The following CALCR variants were observed in gnomAD, a reference collection of about 807,000 sequenced individuals.
CALCR encodes the protein calcitonin receptor.
Under a neutral mutation model 59.5 loss-of-function variants are expected in CALCR, and 47 were observed. The observed-to-expected ratio is 0.79, with a 90% CI of 0.63 to 1.01. The LOEUF (loss-of-function observed/expected upper bound fraction) is 1.01, where lower values mean the gene tolerates loss of function less well. Ranked by LOEUF, CALCR falls within the 50% of genes least tolerant of loss-of-function variation. The pLI is 0.00. For missense variants in CALCR, 566 were observed against 597.1 expected, an observed-to-expected ratio of 0.95 and a Z score of 0.54; for synonymous variants, 213 against 211.3, an observed-to-expected ratio of 1.01 and a Z score of -0.07.
intron 9 of CALCR, among the ~76,000 whole-genome samples, chr7:93,440,665 C>G (rs1436856127): frequency 1.3e-5 from 2 of 151,960 alleles, no homozygotes; most frequent in African/African-American, 4.8e-5. Context: ...AAGTGCAAAT[C>G]CCTCTAGTTC....
chr7:93,442,916 T>C (rs1799938763), intron 9 of CALCR, among the ~76,000 whole-genome samples: 1 of 152,134 alleles, frequency 6.6e-6, no homozygotes, highest in Non-Finnish European at 1.5e-5. Context: ...TCAGTTCCCT[T>C]CCACCAGGGG....
At chr7:93,462,052 G>A in intron 7 of CALCR, 1 of 1,443,684 alleles carries the variant, frequency 6.9e-7, no homozygotes, top group Non-Finnish European at 9.3e-7. Context: ...AAATAGCCTG[G>A]GTTTACTTAC....
chr7:93,492,767 A>G (rs2115963629), intron 2 of CALCR, among the ~76,000 whole-genome samples: 1 of 151,494 alleles, frequency 6.6e-6, no homozygotes, highest in African/African-American at 2.4e-5. Context: ...ATAGGGCCTT[A>G]TAAGATGGTT....
intron 2 of CALCR, among the ~76,000 whole-genome samples, chr7:93,553,834 C>G (rs1789526566): frequency 6.6e-6 from 1 of 152,032 alleles, no homozygotes. Context: ...CTGTGTGATC[C>G]AAAAGCAAGC....
intron 2 of CALCR, among the ~76,000 whole-genome samples, chr7:93,561,880 T>G (rs1416700519): frequency 6.6e-6 from 1 of 151,962 alleles, no homozygotes; most frequent in Non-Finnish European, 1.5e-5. Flanking sequence ...TCAGTAGGAG[T>G]ACAGGACGGT....
chr7:93,454,916 T>TTGTGTGTG (rs4015273), intron 8 of CALCR, among the ~76,000 whole-genome samples: 366 of 144,992 alleles, frequency 2.5e-3, no homozygotes, highest in African/African-American at 5.1e-3. Flanking sequence ...ACAGGGCATT[T>TTGTGTGTG]TGTGTGTGTG....
At chr7:93,555,518 G>T (rs769583953) in intron 2 of CALCR, among the ~76,000 whole-genome samples, 1 of 152,128 alleles carries the variant, frequency 6.6e-6, no homozygotes, top group Non-Finnish European at 1.5e-5. Flanking sequence ...CATTTATGGA[G>T]AAGGAAACAA....
At chr7:93,432,421 ACC>A (rs948401207) in intron 13 of CALCR, among the ~76,000 whole-genome samples, 6 of 152,154 alleles carry the variant, frequency 3.9e-5, no homozygotes, top group Non-Finnish European at 7.4e-5. Flanking sequence ...ACCAGCTGAG[ACC>A]CAGATGCCTA....
chr7:93,424,872 T>C lies in CALCR; in HGVS notation c.*1484A>G, dbSNP rs1462163569. 1 of 152,616 alleles carries C rather than the reference T, an allele frequency of 6.6e-6. No homozygotes were observed. The highest frequency in any genetic ancestry group is 1.5e-5 in the Non-Finnish European group (1 of 68,008). The allele number at this position is 152,616 out of a possible 1,614,324, so 9.5% of individuals were successfully genotyped here. On this transcript the variant is annotated 3_prime_UTR_variant, in exon 14 of 14. Transcript: ENST00000426151. ...TTTAGTATCCCAAATTCATTTTCTCTGTAGAAATATAATTAATTTTCTCTG... is the reference window on the plus strand; with the variant it reads ...TTTAGTATCCCAAATTCATTTTCTCCGTAGAAATATAATTAATTTTCTCTG...
intron 13 of CALCR, among the ~76,000 whole-genome samples, chr7:93,432,821 G>A (rs1377206667): frequency 1.3e-5 from 2 of 152,104 alleles, no homozygotes; most frequent in Non-Finnish European, 2.9e-5. Flanking sequence ...CAACCCAAAA[G>A]GCATGGATAT....
At position 93,520,374 on chromosome 7, in the gene CALCR, A is replaced by AT. The variant is rs142624287; in HGVS notation, c.-26-33368dup. Reference sequence around the variant, plus strand: ...GTAATGTGTAAACAACATGTGTGGCATTTTACCCAGCTGTTTTCCCTACAT... The same window carrying AT: ...GTAATGTGTAAACAACATGTGTGGCATTTTTACCCAGCTGTTTTCCCTACAT... On this transcript the variant is annotated intron_variant, in intron 2 of 13. Coordinates refer to ENST00000426151, the MANE Select transcript of CALCR (RefSeq NM_001742.4). Among the ~76,000 whole-genome samples, 538 of 152,198 alleles carry AT rather than the reference A, an allele frequency of 3.5e-3. 1 individual carries two copies. Among genetic ancestry groups the AT allele is most frequent in the Non-Finnish European group, 5.9e-3 (401 of 68,000 alleles).
chr7:93,567,524 TTATC>T (rs1416872112), intron 2 of CALCR, among the ~76,000 whole-genome samples: 1 of 151,746 alleles, frequency 6.6e-6, no homozygotes, highest in African/African-American at 2.4e-5. Flanking sequence ...CCTGAAAAAT[TTATC>T]TATGCAAATT....
At chr7:93,497,359 T>C (rs1177736082) in intron 2 of CALCR, among the ~76,000 whole-genome samples, 1 of 151,706 alleles carries the variant, frequency 6.6e-6, no homozygotes, top group Admixed American at 6.6e-5. Context: ...GTATACATCA[T>C]CTAATTAGCA....
At chr7:93,428,212 A>G (rs1799571858) in intron 13 of CALCR, among the ~76,000 whole-genome samples, 1 of 152,262 alleles carries the variant, frequency 6.6e-6, no homozygotes, top group Admixed American at 6.5e-5. Flanking sequence ...TAAGTACCGT[A>G]TCATAAGTAT....
At chr7:93,461,676 T>A (rs1297587472) in intron 7 of CALCR, among the ~76,000 whole-genome samples, 1 of 152,162 alleles carries the variant, frequency 6.6e-6, no homozygotes, top group Non-Finnish European at 1.5e-5. Context: ...CCACCTTTTG[T>A]GTATTAAGCA....
chr7:93,549,154 G>T (rs1285466662), intron 2 of CALCR, among the ~76,000 whole-genome samples: 1 of 152,044 alleles, frequency 6.6e-6, no homozygotes, highest in Non-Finnish European at 1.5e-5. Context: ...TTAGCTTTTT[G>T]TGACTTCATG....
At chr7:93,437,863 C>A (rs962651844) in intron 11 of CALCR, among the ~76,000 whole-genome samples, 197 bp downstream of exon 11, 3 of 152,106 alleles carry the variant, frequency 2.0e-5, no homozygotes, top group African/African-American at 7.2e-5. Flanking sequence ...AAAATGAGCT[C>A]ATGATAACCC....
chr7:93,461,363 G>A (rs1237108354), intron 7 of CALCR, among the ~76,000 whole-genome samples: 3 of 152,162 alleles, frequency 2.0e-5, no homozygotes, highest in East Asian at 1.9e-4. Flanking sequence ...CACAGAGCGT[G>A]AAGTCAGAAC....
intron 13 of CALCR, among the ~76,000 whole-genome samples, chr7:93,426,944 A>G (rs1799544220): frequency 6.6e-6 from 1 of 152,204 alleles, no homozygotes; most frequent in African/African-American, 2.4e-5. Context: ...TTTATATGCT[A>G]CCATCCCTGA....
Sources: gnomAD v4.1 joint callset for allele counts (sites outside exome capture counted in the v4.1 genomes callset) on GRCh38, gnomAD v4.1.1 for gene constraint, MANE v1.5 for transcripts, NCBI Gene and HGNC (gene_info 2026-07-23, HGNC 2026-07-21) for gene names.